Variants in DGKI observed in about 807,000 individuals in gnomAD.
The protein encoded by DGKI is diacylglycerol kinase iota.
DGKI carries 55 observed loss-of-function variants against 147.5 expected under a neutral mutation model. The ratio of observed to expected loss-of-function variants is 0.37; its 90% CI spans 0.30 to 0.47. The LOEUF (loss-of-function observed/expected upper bound fraction) is 0.47, where lower values mean the gene tolerates loss of function less well. Ranked by LOEUF, DGKI falls within the 20% of genes least tolerant of loss-of-function variation. DGKI has a pLI of 1.00. For missense variants in DGKI, 1,007 were observed against 1,323.8 expected, an observed-to-expected ratio of 0.76 and a Z score of 3.71; for synonymous variants, 469 against 477.1, an observed-to-expected ratio of 0.98 and a Z score of 0.22.
At chr7:137,594,822 T>C (rs1819731680) in intron 12 of DGKI, among the ~76,000 whole-genome samples, 1 of 152,186 alleles carries the variant, frequency 6.6e-6, no homozygotes. Context: ...ATACCCCATG[T>C]TTTTCACAAA....
At chr7:137,530,606 G>A (rs904277008) in intron 20 of DGKI, among the ~76,000 whole-genome samples, 1 of 152,084 alleles carries the variant, frequency 6.6e-6, no homozygotes, top group Non-Finnish European at 1.5e-5. Flanking sequence ...TTAATATGAG[G>A]TTTTCAATAT....
In DGKI at chr7:137,391,348, T is replaced by G; in HGVS notation, c.3058-12A>C. ...TGAGGTGTCTTACCCTATACGAAAA[T>G]AGTGAGAAAAAAAAAAAGAGAGAGA... On this transcript the variant is annotated splice_polypyrimidine_tract_variant and intron_variant, in intron 32 of 32. Coordinates refer to ENST00000614521, the MANE Select transcript of DGKI (RefSeq NM_001321708.2). The G allele has an allele frequency of 6.9e-7, 1 of 1,453,744 alleles. No homozygotes were observed. Among genetic ancestry groups the G allele is most frequent in the Non-Finnish European group, 9.1e-7 (1 of 1,096,892 alleles). The allele number at this position is 1,453,744 out of a possible 1,614,324, so 90.1% of individuals were successfully genotyped here.
At position 137,472,210 on chromosome 7, in the gene DGKI, CAT is replaced by C. The variant is rs1321421739; in HGVS notation, c.2374-2593_2374-2592del. On this transcript the variant is annotated intron_variant, in intron 23 of 32. Coordinates refer to ENST00000614521, the MANE Select transcript of DGKI (RefSeq NM_001321708.2). ...TACATATAAATATTATATACATACA[CAT>C]ATATATGTATATATACATATAATAT... 1.7e-4 allele frequency among the ~76,000 whole-genome samples: 16 copies of C among 94,318 alleles called. No homozygotes were observed. In the East Asian group the frequency reaches 3.8e-3, roughly 23 times the overall value. 61.9% of individuals were successfully genotyped at this position (94,318 alleles called of 152,430 possible). A position where few individuals can be genotyped will look rare whatever the true frequency, so the allele number is the denominator to read the frequency against.
intron 10 of DGKI, among the ~76,000 whole-genome samples, chr7:137,603,406 G>C (rs567044257): frequency 2.0e-5 from 3 of 152,210 alleles, no homozygotes; most frequent in Middle Eastern, 3.4e-3. Context: ...AATAAGAAAG[G>C]CCTGAGAAAA....
At chr7:137,401,368 C>CA (rs1160377714) in intron 30 of DGKI, among the ~76,000 whole-genome samples, 4,083 of 129,734 alleles carry the variant, frequency 0.031, 176 homozygotes, top group African/African-American at 0.11. Flanking sequence ...CCCAACTCTA[C>CA]AAAAAAAAAA....
chr7:137,469,519 C>A (rs1439333146), intron 24 of DGKI, 31 bp downstream of exon 24: 4 of 1,612,260 alleles, frequency 2.5e-6, no homozygotes, highest in Non-Finnish European at 3.4e-6. Context: ...TCCCCAACTC[C>A]CACGATACCC....
At chr7:137,464,698 C>A (rs77569617) in intron 26 of DGKI, among the ~76,000 whole-genome samples, 1 of 152,138 alleles carries the variant, frequency 6.6e-6, no homozygotes, top group African/African-American at 2.4e-5. Context: ...TGGGAAACCA[C>A]CCACAAATAG....
At chr7:137,543,463 T>G (rs1057118177) in intron 20 of DGKI, among the ~76,000 whole-genome samples, 1 of 152,174 alleles carries the variant, frequency 6.6e-6, no homozygotes, top group African/African-American at 2.4e-5. Flanking sequence ...AGTAGTATGT[T>G]GCAATTCCTA....
intron 20 of DGKI, among the ~76,000 whole-genome samples, chr7:137,541,245 G>A (rs541925069): frequency 1.6e-4 from 24 of 152,292 alleles, no homozygotes; most frequent in African/African-American, 5.3e-4. Context: ...CTGTGTGTGC[G>A]TATACGTGTG....
chr7:137,743,466 A>G (rs1170775234), intron 1 of DGKI, among the ~76,000 whole-genome samples: 2 of 152,250 alleles, frequency 1.3e-5, no homozygotes, highest in Non-Finnish European at 2.9e-5. Flanking sequence ...ATAGAAATCA[A>G]CACTAAGAGG....
chr7:137,780,506 G>T (rs1796487517), intron 1 of DGKI, among the ~76,000 whole-genome samples: 1 of 152,134 alleles, frequency 6.6e-6, no homozygotes, highest in African/African-American at 2.4e-5. Flanking sequence ...GAAAAGGAAG[G>T]GTGTCTACAA....
chr7:137,599,852 A>G lies in DGKI; in HGVS notation c.1221T>C (p.Phe407=), dbSNP rs374635871. Residue 407 remains phenylalanine, a synonymous_variant, in exon 11 of 33, where the codon TTT becomes TTC. Transcript: ENST00000614521. The stretch of plus-strand genomic sequence containing the variant: ...CTTTTGGCCCTTCCTGAGAAAGATC[A>G]AAGACTTGCCGTGGATTCAGGTACC... ...FMWYLNPRQV[F]DLSQEGPKDA... is the part of the protein sequence containing the mutation. 13 of 1,613,922 alleles carry G rather than the reference A, an allele frequency of 8.1e-6. No homozygotes were observed. The highest frequency in any genetic ancestry group is 1.1e-5 in the Non-Finnish European group (13 of 1,179,884).
intron 5 of DGKI, among the ~76,000 whole-genome samples, chr7:137,654,196 ATTT>A (rs1822136456): frequency 7.4e-6 from 1 of 134,788 alleles, no homozygotes; most frequent in African/African-American, 4.1e-5. Context: ...TGATGTATTT[ATTT>A]TTTACTTAAC....
chr7:137,460,711 G>T (rs1439890780), intron 27 of DGKI, among the ~76,000 whole-genome samples: 1 of 152,108 alleles, frequency 6.6e-6, no homozygotes, highest in African/African-American at 2.4e-5. Context: ...GAGCATTTCA[G>T]ATTACAGATT....
At chr7:137,840,792 C>T (rs1563222161) in intron 1 of DGKI, among the ~76,000 whole-genome samples, 1 of 152,144 alleles carries the variant, frequency 6.6e-6, no homozygotes, top group African/African-American at 2.4e-5. Context: ...TTTTAAAATG[C>T]CAATGAAATG....
intron 1 of DGKI, among the ~76,000 whole-genome samples, chr7:137,723,328 A>G (rs1794621731): frequency 6.6e-6 from 1 of 152,214 alleles, no homozygotes; most frequent in Non-Finnish European, 1.5e-5. Flanking sequence ...TTATATGTGC[A>G]AACTCTGCTC....
intron 12 of DGKI, among the ~76,000 whole-genome samples, chr7:137,588,871 T>C (rs904034272): frequency 6.6e-6 from 1 of 152,216 alleles, no homozygotes; most frequent in Non-Finnish European, 1.5e-5. Context: ...CAGATATTAA[T>C]GTAATTTTCA....
chr7:137,835,836 G>A (rs1798362084), intron 1 of DGKI, among the ~76,000 whole-genome samples: 1 of 152,178 alleles, frequency 6.6e-6, no homozygotes, highest in Non-Finnish European at 1.5e-5. Context: ...TGTTGAAACA[G>A]CATCCTGCAG....
chr7:137,651,946 A>C (rs1046814751), intron 5 of DGKI, among the ~76,000 whole-genome samples: 6 of 152,222 alleles, frequency 3.9e-5, no homozygotes, highest in African/African-American at 1.4e-4. Context: ...CTGAAAAAAG[A>C]AGCAATTTCA....
Sources: allele counts gnomAD v4.1 joint callset (sites outside exome capture counted in the v4.1 genomes callset), GRCh38; gene constraint gnomAD v4.1.1; transcripts MANE v1.5; gene names NCBI Gene and HGNC (gene_info 2026-07-23, HGNC 2026-07-21).